PRKAR2B: variants seen among roughly 807,000 people sequenced by gnomAD.
PRKAR2B encodes the protein protein kinase cAMP-dependent type II regulatory subunit beta, also known as cAMP-dependent protein kinase type II-beta regulatory subunit.
PRKAR2B carries 14 observed loss-of-function variants against 49.9 expected under a neutral mutation model. That is an observed-to-expected ratio of 0.28 (90% CI 0.19 to 0.44). The LOEUF (loss-of-function observed/expected upper bound fraction) is 0.44, where lower values mean the gene tolerates loss of function less well. Ranked by LOEUF, PRKAR2B falls within the 20% of genes least tolerant of loss-of-function variation. The probability of loss-of-function intolerance (pLI) is 1.00; values close to 1 mark genes in which losing one functional copy is unlikely to be tolerated. For missense variants in PRKAR2B, 393 were observed against 537.9 expected (o/e 0.73, Z 2.67); for synonymous variants, 196 against 197.7 (o/e 0.99, Z 0.07).
chr7:107,050,694 A>G (rs1045864274), intron 1 of PRKAR2B, among the ~76,000 whole-genome samples: 1 of 152,186 alleles, frequency 6.6e-6, no homozygotes, highest in Non-Finnish European at 1.5e-5. Flanking sequence ...TGAAGTGACT[A>G]ACTGCAGGGT....
At chr7:107,085,683 A>G (rs984844136) in intron 2 of PRKAR2B, among the ~76,000 whole-genome samples, 1 of 152,076 alleles carries the variant, frequency 6.6e-6, no homozygotes, top group Non-Finnish European at 1.5e-5. Flanking sequence ...TTTTTTGAAC[A>G]TTGTCTTTTT....
intron 2 of PRKAR2B, among the ~76,000 whole-genome samples, chr7:107,071,047 G>T (rs3801969): frequency 0.35 from 53,454 of 152,014 alleles, 11,515 homozygotes; most frequent in South Asian, 0.48. Flanking sequence ...AGTTAAATGA[G>T]TTTGGGCATT....
At chr7:107,144,372 C>CTT in intron 5 of PRKAR2B, among the ~76,000 whole-genome samples, 1 of 152,016 alleles carries the variant, frequency 6.6e-6, no homozygotes, top group Non-Finnish European at 1.5e-5. Context: ...AGGCGTGAAC[C>CTT]ACTGTGCCTG....
At chr7:107,121,049 T>G (rs1456228848) in intron 2 of PRKAR2B, among the ~76,000 whole-genome samples, 2 of 151,150 alleles carry the variant, frequency 1.3e-5, no homozygotes, top group South Asian at 2.1e-4. Context: ...TTTAAATTAT[T>G]TATTTAAATT....
At chr7:107,086,926 A>G (rs1174633231) in intron 2 of PRKAR2B, among the ~76,000 whole-genome samples, 3 of 152,226 alleles carry the variant, frequency 2.0e-5, no homozygotes, top group Non-Finnish European at 2.9e-5. Context: ...AAATATAACT[A>G]ACGTATAACA....
chr7:107,135,558 C>T (rs1795683043), intron 4 of PRKAR2B, among the ~76,000 whole-genome samples: 1 of 152,112 alleles, frequency 6.6e-6, no homozygotes, highest in African/African-American at 2.4e-5. Context: ...AAAAGTTAAT[C>T]ACTTTCCTTT....
intron 2 of PRKAR2B, chr7:107,077,333 A>G (rs1241522411): frequency 6.6e-6 from 1 of 152,212 alleles, no homozygotes. Context: ...CGAAGTGCGC[A>G]GTCTAGCAGG....
chr7:107,095,395 A>G (rs1454871793), intron 2 of PRKAR2B, among the ~76,000 whole-genome samples: 1 of 152,146 alleles, frequency 6.6e-6, no homozygotes, highest in Non-Finnish European at 1.5e-5. Flanking sequence ...GCTTAAGGAG[A>G]TTTTGGGCTG....
chr7:107,160,919 T>G lies in PRKAR2B; in HGVS notation c.*1337T>G, dbSNP rs1476144185. On this transcript the variant is annotated 3_prime_UTR_variant, in exon 11 of 11. Transcript: ENST00000265717. ...ACTCTTACATGATTTCTAGGCCCCA[T>G]GACCCAGTGTCTAGAGACATTAATT... 1 of 152,202 alleles carries G rather than the reference T, an allele frequency of 6.6e-6. No individual in the cohort carries two copies. Among genetic ancestry groups the G allele is most frequent in the Admixed American group, 6.5e-5 (1 of 15,278 alleles). The allele number at this position is 152,202 out of a possible 1,614,324, so 9.4% of individuals were successfully genotyped here.
intron 2 of PRKAR2B, among the ~76,000 whole-genome samples, chr7:107,071,840 C>T (rs1794282775): frequency 6.6e-6 from 1 of 152,004 alleles, no homozygotes; most frequent in Admixed American, 6.6e-5. Flanking sequence ...CTGAGGCGGG[C>T]AGATCACGAG....
chr7:107,147,307 G>C (rs61091872), intron 6 of PRKAR2B, among the ~76,000 whole-genome samples: 2,978 of 152,136 alleles, frequency 0.02, 98 homozygotes, highest in African/African-American at 0.067. Flanking sequence ...GCGAGACTCT[G>C]TCTCAAAAAA....
chr7:107,147,491 A>G (rs1026945408), intron 6 of PRKAR2B, among the ~76,000 whole-genome samples: 2 of 152,226 alleles, frequency 1.3e-5, no homozygotes, highest in African/African-American at 4.8e-5. Context: ...GCAAATTATT[A>G]GGCACTACTA....
At chr7:107,078,791 G>A (rs564938711) in intron 2 of PRKAR2B, among the ~76,000 whole-genome samples, 7 of 152,306 alleles carry the variant, frequency 4.6e-5, no homozygotes, top group Admixed American at 3.9e-4. Context: ...AGGCTAATGA[G>A]AAATTAGATT....
chr7:107,116,885 A>ATATATATATATGTGTGTGTGTG (rs1491334492), intron 2 of PRKAR2B, among the ~76,000 whole-genome samples: 1 of 139,414 alleles, frequency 7.2e-6, no homozygotes, highest in East Asian at 2.0e-4. Context: ...ATATACACAC[A>ATATATATATATGTGTGTGTGTG]TATATATATA....
intron 2 of PRKAR2B, among the ~76,000 whole-genome samples, chr7:107,078,772 G>A (rs1297812039): frequency 2.0e-5 from 3 of 152,192 alleles, no homozygotes; most frequent in Admixed American, 6.5e-5. Flanking sequence ...ATGCTGATAA[G>A]CTACCTCAAG....
chr7:107,070,527 A>G (rs1447402317), intron 2 of PRKAR2B, among the ~76,000 whole-genome samples: 1 of 152,222 alleles, frequency 6.6e-6, no homozygotes, highest in Non-Finnish European at 1.5e-5. Flanking sequence ...TGCAATTGAA[A>G]ATGTGAGTGG....
At chr7:107,131,809 T>G (rs1237152244) in intron 4 of PRKAR2B, among the ~76,000 whole-genome samples, 1 of 152,208 alleles carries the variant, frequency 6.6e-6, no homozygotes, top group Non-Finnish European at 1.5e-5. Flanking sequence ...TAAAGTAGCT[T>G]TCTAGTTTTT....
intron 4 of PRKAR2B, among the ~76,000 whole-genome samples, chr7:107,131,570 A>G (rs568754956): frequency 6.6e-6 from 1 of 152,336 alleles, no homozygotes; most frequent in Admixed American, 6.5e-5. Flanking sequence ...TCATGATCGA[A>G]TGTTTTATAG....
intron 2 of PRKAR2B, among the ~76,000 whole-genome samples, chr7:107,119,444 T>A (rs543818293): frequency 6.6e-6 from 1 of 152,318 alleles, no homozygotes; most frequent in Non-Finnish European, 1.5e-5. Flanking sequence ...TCGTTTTGTT[T>A]TGTTTTGTTT....
Sources: allele counts gnomAD v4.1 joint callset (sites outside exome capture counted in the v4.1 genomes callset), GRCh38; gene constraint gnomAD v4.1.1; transcripts MANE v1.5; gene names NCBI Gene and HGNC (gene_info 2026-07-23, HGNC 2026-07-21).